CSMD1: variants seen among roughly 807,000 people sequenced by gnomAD.
The protein encoded by CSMD1 is CUB and sushi domain-containing protein 1.
CSMD1 carries 213 observed loss-of-function variants against 417.5 expected under a neutral mutation model. The observed-to-expected ratio is 0.51, with a 90% confidence interval of 0.46 to 0.57. The LOEUF is 0.57. Among genes scored for constraint, CSMD1 ranks in the 20% least tolerant of loss-of-function variants. The pLI is 0.00. For synonymous variants in CSMD1, 2,862 were observed against 1,736.8 expected (o/e 1.65, Z -16.11); for missense variants, 6,923 against 4,529.7 (o/e 1.53, Z -15.17).
At chr8:4,233,289 G>C (rs368721960) in intron 3 of CSMD1, among the ~76,000 whole-genome samples, 1 of 151,998 alleles carries the variant, frequency 6.6e-6, no homozygotes. Context: ...CCCACTCTCC[G>C]CCAGCCACAT....
rs1047136448 is a variant in CSMD1 at position 3,786,242 on chromosome 8, C to T, written c.819-32200G>A. Among the ~76,000 whole-genome samples the T allele has an allele frequency of 1.5e-4, 23 of 152,054 alleles. 1 individual carries two copies. The South Asian group carries it at 2.5e-3, about 17-fold the overall frequency. On this transcript the variant is annotated intron_variant, in intron 5 of 69. Coordinates refer to ENST00000635120, the MANE Select transcript of CSMD1 (RefSeq NM_033225.6). ...GATCAAGGTGTCGCTAAGACATTGT[C>T]GGGAGATGTCAAGGCAAGAGTGGAT...
At chr8:4,254,693 T>C (rs1563342560) in intron 3 of CSMD1, among the ~76,000 whole-genome samples, 1 of 152,122 alleles carries the variant, frequency 6.6e-6, no homozygotes, top group Non-Finnish European at 1.5e-5. Flanking sequence ...CTCCATATTT[T>C]TACCGTACCT....
chr8:4,902,215 A>T (rs117192153), intron 1 of CSMD1, among the ~76,000 whole-genome samples: 3,431 of 152,064 alleles, frequency 0.023, 51 homozygotes, highest in Middle Eastern at 0.037. Context: ...TTTGAAACTC[A>T]CCTGGGCAAC....
At chr8:3,996,401 G>T (rs539911256) in intron 5 of CSMD1, among the ~76,000 whole-genome samples, 1 of 152,120 alleles carries the variant, frequency 6.6e-6, no homozygotes, top group Non-Finnish European at 1.5e-5. Flanking sequence ...ATGATTAGTA[G>T]AGCATATGTA....
chr8:3,079,743 A>T (rs534830886), intron 49 of CSMD1, among the ~76,000 whole-genome samples: 2 of 152,292 alleles, frequency 1.3e-5, no homozygotes, highest in East Asian at 3.9e-4. Context: ...GCAGGGTATA[A>T]TGGAAATGGC....
intron 5 of CSMD1, among the ~76,000 whole-genome samples, chr8:3,916,587 G>C (rs1031598357): frequency 6.6e-6 from 1 of 152,052 alleles, no homozygotes; most frequent in Non-Finnish European, 1.5e-5. Flanking sequence ...ACATTATGTA[G>C]GTGACAATAT....
At chr8:4,195,460 C>T (rs1228989066) in intron 3 of CSMD1, among the ~76,000 whole-genome samples, 6 of 152,164 alleles carry the variant, frequency 3.9e-5, no homozygotes, top group Non-Finnish European at 5.9e-5. Context: ...GGCAGTACAG[C>T]CTTAATGTGC....
At chr8:3,762,498 G>A (rs1489553647) in intron 5 of CSMD1, among the ~76,000 whole-genome samples, 1 of 152,216 alleles carries the variant, frequency 6.6e-6, no homozygotes, top group Middle Eastern at 3.2e-3. Context: ...TGGTCAGATA[G>A]GCTGAGGTAG....
chr8:4,291,530 G>T lies in CSMD1; in HGVS notation c.415+128423C>A, dbSNP rs749050671. Among the ~76,000 whole-genome samples, 11 of 152,042 alleles carry T rather than the reference G, an allele frequency of 7.2e-5. No homozygotes were observed. The South Asian group carries it at 2.3e-3, about 31-fold the overall frequency. On this transcript the variant is annotated intron_variant, in intron 3 of 69. Transcript: ENST00000635120. Reference sequence around the variant, plus strand: ...CACTTGTTTTCGGAAAGTACATTTTGATTTACACATAAAAAAATTGCTTAG... The same window carrying T: ...CACTTGTTTTCGGAAAGTACATTTTTATTTACACATAAAAAAATTGCTTAG...
intron 1 of CSMD1, among the ~76,000 whole-genome samples, chr8:4,646,176 T>G (rs1803504502): frequency 6.6e-6 from 1 of 152,204 alleles, no homozygotes. Context: ...TAGCACCCAT[T>G]GCCAGTGGAG....
chr8:3,201,505 G>A (rs1484959273), intron 32 of CSMD1, 107 bp downstream of exon 32: 3 of 536,660 alleles, frequency 5.6e-6, no homozygotes, highest in Non-Finnish European at 9.6e-6. Context: ...ATTCAAAAAT[G>A]ATTACATTTC....
At chr8:4,225,090 G>C (rs1321950024) in intron 3 of CSMD1, among the ~76,000 whole-genome samples, 2 of 152,052 alleles carry the variant, frequency 1.3e-5, no homozygotes. Flanking sequence ...CCAGCCTGGG[G>C]AACAGAGTGA....
intron 7 of CSMD1, among the ~76,000 whole-genome samples, chr8:3,649,086 T>G (rs945390417): frequency 4.6e-5 from 7 of 152,212 alleles, no homozygotes; most frequent in African/African-American, 1.7e-4. Flanking sequence ...GGTCTTTCTC[T>G]AGCACTCTGT....
chr8:3,917,264 A>C (rs1808894116), intron 5 of CSMD1, among the ~76,000 whole-genome samples: 1 of 152,170 alleles, frequency 6.6e-6, no homozygotes, highest in African/African-American at 2.4e-5. Flanking sequence ...TGTTGAATGC[A>C]TGAACGAACT....
intron 51 of CSMD1, among the ~76,000 whole-genome samples, chr8:3,026,589 C>T (rs150122581): frequency 0.014 from 2,075 of 152,186 alleles, 26 homozygotes; most frequent in Non-Finnish European, 0.023. Flanking sequence ...CTGGGCTTGA[C>T]TGGGCCTCAC....
Position 4,163,576 on chromosome 8 carries a change from AG to A in CSMD1, c.416-131478del, listed in dbSNP as rs1449692436. Among the ~76,000 whole-genome samples the A allele has an allele frequency of 5.9e-5, 9 of 152,332 alleles. No individual in the cohort carries two copies. The East Asian group carries it at 1.7e-3, about 29-fold the overall frequency. On this transcript the variant is annotated intron_variant, in intron 3 of 69. Coordinates refer to ENST00000635120, the MANE Select transcript of CSMD1 (RefSeq NM_033225.6). ...CATTTGGTGTGAATTAAATCTAGCT[AG>A]ATAAAACTTCCTGTTTTAAAGTGAG... is the stretch of plus-strand genomic sequence containing the variant.
chr8:4,814,216 G>GTGCA (rs1799071978), intron 1 of CSMD1, among the ~76,000 whole-genome samples: 1 of 133,134 alleles, frequency 7.5e-6, no homozygotes, highest in African/African-American at 3.1e-5. Flanking sequence ...GTGTGTGTGT[G>GTGCA]TGCGTGTGCG....
rs190340904 is a variant in CSMD1, at chr8:3,189,900, G to C, written c.5398+12C>G. ...GAGTTCTGGCGGGCAGCCGCTTAGGGACACTGCTCACCCACACAGCTGGGG... is the reference window on the plus strand; with the variant it reads ...GAGTTCTGGCGGGCAGCCGCTTAGGCACACTGCTCACCCACACAGCTGGGG... On this transcript the variant is annotated intron_variant, in intron 34 of 69. Transcript: ENST00000635120. The C allele has an allele frequency of 1.3e-4, 207 of 1,563,388 alleles. No homozygotes were observed. The African/African-American group carries it at 2.5e-3, about 19-fold the overall frequency.
intron 1 of CSMD1, among the ~76,000 whole-genome samples, chr8:4,968,462 G>C (rs547227793): frequency 1.3e-5 from 2 of 152,088 alleles, no homozygotes; most frequent in South Asian, 4.2e-4. Context: ...TAACTGCAAA[G>C]ACCTCTACTG....
Sources: gnomAD v4.1 joint callset for allele counts (sites outside exome capture counted in the v4.1 genomes callset) on GRCh38, gnomAD v4.1.1 for gene constraint, MANE v1.5 for transcripts, NCBI Gene and HGNC (gene_info 2026-07-23, HGNC 2026-07-21) for gene names.